Variants in KASH5 observed in about 807,000 individuals in gnomAD.
KASH5 encodes KASH domain containing 5, also known as protein KASH5.
Under a neutral mutation model 84.2 loss-of-function variants are expected in KASH5, and 72 were observed. The observed-to-expected ratio is 0.85, with a 90% CI of 0.71 to 1.04. The LOEUF is 1.04. Among genes scored for constraint, KASH5 ranks in the 50% least tolerant of loss-of-function variants. The pLI is 0.00. For synonymous variants in KASH5, 260 were observed against 279.1 expected (o/e 0.93, Z 0.68); for missense variants, 650 against 701.0 (o/e 0.93, Z 0.82).
intron 14 of KASH5, among the ~76,000 whole-genome samples, 185 bp downstream of exon 14, chr19:49,409,468 CA>C (rs1394036916): frequency 6.6e-6 from 1 of 151,976 alleles, no homozygotes; most frequent in Non-Finnish European, 1.5e-5. Flanking sequence ...CTGCCAGACC[CA>C]GGCCTGTGCC....
At position 49,388,312 on chromosome 19, in the gene KASH5, T is replaced by G. The variant is rs985009798; in HGVS notation, c.-111T>G. 2.0e-5 allele frequency: 3 copies of G among 152,248 alleles called. No individual in the cohort carries two copies. Among genetic ancestry groups the G allele is most frequent in the African/African-American group, 4.8e-5 (2 of 41,436 alleles). 9.4% of individuals were successfully genotyped at this position (152,248 alleles called of 1,614,324 possible). A position where few individuals can be genotyped will look rare whatever the true frequency, so the allele number is the denominator to read the frequency against. ...GTGGATGTCCGTTGTGTCCCGAGAC[T>G]AGGACGTGGCTCCAGGTGCGCCCTG... On this transcript the variant is annotated 5_prime_UTR_variant, in exon 1 of 20. It removes the in-frame stop codon of an upstream open reading frame in the 5' UTR. Coordinates refer to ENST00000447857, the MANE Select transcript of KASH5 (RefSeq NM_144688.5).
At chr19:49,410,031 C>G (rs1200012300) in intron 15 of KASH5, among the ~76,000 whole-genome samples, 156 bp downstream of exon 15, 1 of 152,212 alleles carries the variant, frequency 6.6e-6, no homozygotes, top group Non-Finnish European at 1.5e-5. Context: ...CACCCAGCCA[C>G]AAGCCAGACC....
intron 2 of KASH5, chr19:49,393,784 C>G (rs914190686): frequency 2.0e-5 from 3 of 152,238 alleles, no homozygotes; most frequent in Non-Finnish European, 4.4e-5. Context: ...ACTCTACCCA[C>G]CCCCCCAGTA....
intron 14 of KASH5, 117 bp from the exon 15 acceptor site, chr19:49,409,636 G>T: frequency 1.5e-6 from 2 of 1,321,754 alleles, no homozygotes; most frequent in East Asian, 4.9e-5. Context: ...CCCCACACCA[G>T]CCCTTTTCTA....
Position 49,412,985 on chromosome 19 carries a change from G to C in KASH5, c.1287G>C (p.Glu429Asp). 1 of 1,613,696 alleles carries C rather than the reference G, an allele frequency of 6.2e-7. No individual in the cohort carries two copies. Among genetic ancestry groups the C allele is most frequent in the Non-Finnish European group, 8.5e-7 (1 of 1,179,840 alleles). The change falls in exon 16 of 20, where the codon GAG (glutamate) becomes GAC (aspartate). Residue 429 changes from glutamate to aspartate, a missense_variant. Physicochemically the swap from Glu to Asp is conservative, Grantham distance 45. Transcript: ENST00000447857. This position sits in a 1 kb window ranked among gnomAD's most constrained non-coding sequence, Gnocchi z 4.6. ...TTCCACAGAGAAACTTCCAGGGAGA[G>C]CCAGCGCACCCTGAAGAAGGAAGGA... ...PAGGQRNFQG[E>D]PAHPEEGRKE...
In KASH5 at chr19:49,414,465, G is replaced by A. The variant is rs932215687; in HGVS notation, c.1329-486G>A. ...CTAGACAGGAAGGGGGTTTCGACAC[G>A]TGCTCTGGGGTCTTACAGAGGCCTG... On this transcript the variant is annotated intron_variant, in intron 16 of 19. Coordinates refer to ENST00000447857, the MANE Select transcript of KASH5 (RefSeq NM_144688.5). This position sits in a 1 kb window ranked among gnomAD's most constrained non-coding sequence, Gnocchi z 4.5. Among the ~76,000 whole-genome samples the A allele has an allele frequency of 2.6e-5, 4 of 152,036 alleles. No homozygotes were observed. The highest frequency in any genetic ancestry group is 4.8e-5 in the African/African-American group (2 of 41,382).
intron 2 of KASH5, chr19:49,391,756 A>T (rs1400069223): frequency 6.6e-6 from 1 of 152,106 alleles, no homozygotes; most frequent in Non-Finnish European, 1.5e-5. Flanking sequence ...GTGGGAGCTC[A>T]CTTACTGTTG....
At chr19:49,410,797 T>C (rs918387011) in intron 15 of KASH5, among the ~76,000 whole-genome samples, 1 of 151,784 alleles carries the variant, frequency 6.6e-6, no homozygotes, top group East Asian at 1.9e-4. Context: ...CTTTTTAAAA[T>C]TTTTTTATAG....
chr19:49,396,242 A>ATTTTTTTTTTTTTTTTTTTT, intron 5 of KASH5, among the ~76,000 whole-genome samples: 1 of 122,904 alleles, frequency 8.1e-6, no homozygotes. Context: ...ACCCTGCTGG[A>ATTTTTTTTTTTTTTTTTTTT]CTTTTTTTTT....
intron 5 of KASH5, among the ~76,000 whole-genome samples, chr19:49,396,468 G>A (rs1974186326): frequency 6.6e-6 from 1 of 152,068 alleles, no homozygotes; most frequent in Non-Finnish European, 1.5e-5. Flanking sequence ...TGGTCAGGCT[G>A]GTCTCGAACT....
In KASH5 at chr19:49,399,175, C is replaced by T. The variant is rs1269767921; in HGVS notation, c.747+33C>T. The T allele has an allele frequency of 2.0e-6, 3 of 1,511,748 alleles. No individual in the cohort carries two copies. The highest frequency in any genetic ancestry group is 2.7e-6 in the Non-Finnish European group (3 of 1,121,218). 93.6% of individuals were successfully genotyped at this position (1,511,748 alleles called of 1,614,324 possible). On this transcript the variant is annotated intron_variant, in intron 8 of 19. Coordinates refer to ENST00000447857, the MANE Select transcript of KASH5 (RefSeq NM_144688.5). This position sits in a 1 kb window ranked among gnomAD's most constrained non-coding sequence, Gnocchi z 4.4. ...TGGCCCAGGGGAAGGAAGGTGCCCT[C>T]TCTCTTCTTTGTTTCCTGGAGTCAG...
At position 49,412,990 on chromosome 19, in the gene KASH5, C is replaced by T. The variant is rs780606448; in HGVS notation, c.1292C>T (p.Ala431Val). 1.9e-5 allele frequency: 30 copies of T among 1,613,376 alleles called. No individual in the cohort carries two copies. Among genetic ancestry groups the T allele is most frequent in the Non-Finnish European group, 2.3e-5 (27 of 1,179,826 alleles). Residue 431 changes from alanine to valine, a missense_variant, in exon 16 of 20, where the codon GCG becomes GTG. Physicochemically the swap from Ala to Val is moderately conservative, Grantham distance 64 (BLOSUM62 0). Coordinates refer to ENST00000447857, the MANE Select transcript of KASH5 (RefSeq NM_144688.5). The surrounding 1 kb of genome is among the most constrained non-coding windows in gnomAD (Gnocchi z 4.6). ...CAGAGAAACTTCCAGGGAGAGCCAGCGCACCCTGAAGAAGGAAGGAAGGAG... is the reference window on the plus strand; with the variant it reads ...CAGAGAAACTTCCAGGGAGAGCCAGTGCACCCTGAAGAAGGAAGGAAGGAG... ...GGQRNFQGEP[A>V]HPEEGRKEPS...
intron 10 of KASH5, 33 bp from the exon 11 acceptor site, chr19:49,407,207 G>C: frequency 1.9e-6 from 3 of 1,611,618 alleles, no homozygotes; most frequent in Non-Finnish European, 1.7e-6. Flanking sequence ...GTCCTGGGAG[G>C]CTGGATGGAT....
chr19:49,407,180 G>A (rs2122186003), intron 10 of KASH5, 60 bp from the exon 11 acceptor site: 1 of 1,580,582 alleles, frequency 6.3e-7, no homozygotes, highest in South Asian at 1.1e-5. Flanking sequence ...GCCAGGTGGA[G>A]GGCAGGACCA....
At chr19:49,398,728 C>T (rs888086339) in intron 7 of KASH5, among the ~76,000 whole-genome samples, 1 of 152,132 alleles carries the variant, frequency 6.6e-6, no homozygotes, top group Non-Finnish European at 1.5e-5. Flanking sequence ...CCTTTCATCT[C>T]TCTGTGCTTT....
chr19:49,396,243 C>CTT (rs869199643), intron 5 of KASH5, among the ~76,000 whole-genome samples: 1 of 35,880 alleles, frequency 2.8e-5, no homozygotes. Flanking sequence ...CCCTGCTGGA[C>CTT]TTTTTTTTTT....
chr19:49,395,737 G>A lies in KASH5; in HGVS notation c.336-32G>A. 1.3e-6 allele frequency: 2 copies of A among 1,548,954 alleles called. No individual in the cohort carries two copies. Among genetic ancestry groups the A allele is most frequent in the Non-Finnish European group, 1.7e-6 (2 of 1,146,108 alleles). Reference sequence around the variant, plus strand: ...TGGTGAGGACTGAGGGGCAGCTACAGTGGGGCGCTAAGCCTCATCCCTTTG... The same window carrying A: ...TGGTGAGGACTGAGGGGCAGCTACAATGGGGCGCTAAGCCTCATCCCTTTG... On this transcript the variant is annotated intron_variant, in intron 4 of 19. Coordinates refer to ENST00000447857, the MANE Select transcript of KASH5 (RefSeq NM_144688.5). This position sits in a 1 kb window ranked among gnomAD's most constrained non-coding sequence, Gnocchi z 4.4.
chr19:49,397,048 C>T (rs1213533177), intron 5 of KASH5, among the ~76,000 whole-genome samples: 2 of 149,930 alleles, frequency 1.3e-5, no homozygotes, highest in African/African-American at 4.9e-5. Context: ...GAGCAGGATC[C>T]TGTCTTTTAA....
In KASH5 at chr19:49,406,128, CA is replaced by C. The variant is rs36100015; in HGVS notation, c.799-740del. 6.0e-3 allele frequency among the ~76,000 whole-genome samples: 583 copies of C among 97,662 alleles called. 2 individuals are homozygous for C. The highest frequency in any genetic ancestry group is 0.034 in the South Asian group (106 of 3,144). 64.1% of individuals were successfully genotyped at this position (97,662 alleles called of 152,430 possible). A position where few individuals can be genotyped will look rare whatever the true frequency, so the allele number is the denominator to read the frequency against. Reference sequence around the variant, plus strand: ...GGGCAACAAAAGCAAAACTCTGGCTCAAAAAAAAAAAAAAAAAATCTGGAGG... The same window carrying C: ...GGGCAACAAAAGCAAAACTCTGGCTCAAAAAAAAAAAAAAAAATCTGGAGG... On this transcript the variant is annotated intron_variant, in intron 9 of 19. Coordinates refer to ENST00000447857, the MANE Select transcript of KASH5 (RefSeq NM_144688.5).
Sources: gnomAD v4.1 joint callset for allele counts (sites outside exome capture counted in the v4.1 genomes callset) on GRCh38, gnomAD v4.1.1 for gene constraint, Gnocchi (gnomAD v3.1) non-coding constraint, MANE v1.5 for transcripts, NCBI Gene and HGNC (gene_info 2026-07-23, HGNC 2026-07-21) for gene names.